The following WDPCP variants were observed in gnomAD, a reference collection of about 807,000 sequenced individuals.
The protein encoded by WDPCP is WD repeat containing planar cell polarity effector, also known as WD repeat-containing and planar cell polarity effector protein fritz homolog.
In WDPCP, 71 loss-of-function variants were observed where a neutral mutation model predicts 93.1. The ratio of observed to expected loss-of-function variants is 0.76; its 90% CI spans 0.63 to 0.93. The LOEUF is 0.93. Among genes scored for constraint, WDPCP ranks in the 40% least tolerant of loss-of-function variants. The pLI, the probability that WDPCP is intolerant of heterozygous loss-of-function variation, is 0.00. For synonymous variants in WDPCP, 315 were observed against 315.0 expected, an observed-to-expected ratio of 1.00 and a Z score of 0.00; for missense variants, 844 against 887.4, an observed-to-expected ratio of 0.95 and a Z score of 0.62.
intron 1 of WDPCP, among the ~76,000 whole-genome samples, chr2:63,585,999 TA>T (rs1273619202): frequency 6.6e-6 from 1 of 152,052 alleles, no homozygotes; most frequent in Non-Finnish European, 1.5e-5. Context: ...GCTAATTTTT[TA>T]AAAATTTTTT....
chr2:63,216,048 C>T (rs1467993263), intron 14 of WDPCP, among the ~76,000 whole-genome samples: 2 of 152,186 alleles, frequency 1.3e-5, no homozygotes, highest in Admixed American at 1.3e-4. Context: ...ATTAAAAAGT[C>T]AGGAAACAAC....
intron 2 of WDPCP, among the ~76,000 whole-genome samples, chr2:63,683,990 A>G (rs1668769116): frequency 1.3e-5 from 2 of 152,228 alleles, no homozygotes; most frequent in Non-Finnish European, 2.9e-5. Context: ...TACTAGAGTT[A>G]AAGAGAGAGA....
At chr2:63,770,500 T>G (rs962345149) in intron 2 of WDPCP, among the ~76,000 whole-genome samples, 6 of 151,888 alleles carry the variant, frequency 4.0e-5, no homozygotes, top group Admixed American at 2.0e-4. Flanking sequence ...TTAAATTTAA[T>G]AGAAGGAAAT....
At chr2:63,274,380 A>G (rs1357021483) in intron 13 of WDPCP, among the ~76,000 whole-genome samples, 1 of 152,210 alleles carries the variant, frequency 6.6e-6, no homozygotes, top group African/African-American at 2.4e-5. Context: ...TCAGAAAAGT[A>G]AGAAGATTTC....
At chr2:63,663,732 G>A (rs557649431) in intron 2 of WDPCP, among the ~76,000 whole-genome samples, 7 of 152,220 alleles carry the variant, frequency 4.6e-5, no homozygotes, top group Admixed American at 4.6e-4. Context: ...TTGGATGGAG[G>A]TTATAGATTA....
intron 1 of WDPCP, among the ~76,000 whole-genome samples, chr2:63,524,501 G>T (rs144151767): frequency 7.2e-4 from 109 of 152,294 alleles, no homozygotes; most frequent in African/African-American, 2.5e-3. Context: ...AAGCAATGGG[G>T]AAAGGACTCC....
chr2:63,716,240 T>G (rs1254344461), intron 2 of WDPCP, among the ~76,000 whole-genome samples: 1 of 152,186 alleles, frequency 6.6e-6, no homozygotes, highest in Non-Finnish European at 1.5e-5. Context: ...AGTAACTTAA[T>G]AGACCTCTAG....
intron 2 of WDPCP, among the ~76,000 whole-genome samples, chr2:63,724,099 C>T (rs1669465079): frequency 6.6e-6 from 1 of 152,142 alleles, no homozygotes; most frequent in African/African-American, 2.4e-5. Context: ...AATTTATAAA[C>T]CAAAACATGC....
chr2:63,481,221 A>G (rs1700249974), intron 6 of WDPCP, among the ~76,000 whole-genome samples: 1 of 151,964 alleles, frequency 6.6e-6, no homozygotes, highest in African/African-American at 2.4e-5. Context: ...GAATGGCCAT[A>G]ATCAAAAAAT....
In WDPCP at chr2:63,525,711, A is replaced by G. The variant is rs1335024052; in HGVS notation, c.76-32771T>C. On this transcript the variant is annotated intron_variant, in intron 1 of 17. Transcript: ENST00000272321. The stretch of plus-strand genomic sequence containing the variant: ...CCATCTGGTCTCTTTCCTAGAGAGA[A>G]GGGCTGACTGCCGTTATGTTAGTGG... Among the ~76,000 whole-genome samples, 7 of 152,186 alleles carry G rather than the reference A, an allele frequency of 4.6e-5. No individual in the cohort carries two copies. The South Asian group carries it at 1.4e-3, about 32-fold the overall frequency.
intron 2 of WDPCP, among the ~76,000 whole-genome samples, chr2:63,747,025 G>T (rs1347480326): frequency 6.6e-6 from 1 of 151,794 alleles, no homozygotes; most frequent in Non-Finnish European, 1.5e-5. Context: ...TCTCTCTTTT[G>T]TACTCTTTCC....
At chr2:63,521,936 G>A (rs532122256) in intron 1 of WDPCP, among the ~76,000 whole-genome samples, 2 of 152,178 alleles carry the variant, frequency 1.3e-5, no homozygotes, top group African/African-American at 4.8e-5. Flanking sequence ...TGACTTCTTG[G>A]TAAACAGTGA....
chr2:63,588,073 G>A lies in WDPCP; in HGVS notation c.75+124C>T, dbSNP rs1368001283. On this transcript the variant is annotated intron_variant, in intron 1 of 17. Coordinates refer to ENST00000272321, the MANE Select transcript of WDPCP (RefSeq NM_015910.7). ...TCCCACAGCCCTCATACTCCGCTCA[G>A]AAAAGGGACCGGCGAGCTTGCAGGC... is the stretch of plus-strand genomic sequence containing the variant. 8 of 1,240,968 alleles carry A rather than the reference G, an allele frequency of 6.4e-6. No individual in the cohort carries two copies. In the Admixed American group the frequency reaches 1.6e-4, roughly 25 times the overall value. The allele number at this position is 1,240,968 out of a possible 1,614,324, so 76.9% of individuals were successfully genotyped here.
intron 1 of WDPCP, among the ~76,000 whole-genome samples, chr2:63,570,406 C>A (rs1391812124): frequency 6.6e-6 from 1 of 152,208 alleles, no homozygotes; most frequent in African/African-American, 2.4e-5. Flanking sequence ...CTCCCCTTAA[C>A]CTTCACCTCA....
chr2:63,521,485 C>T (rs563557017), intron 1 of WDPCP, among the ~76,000 whole-genome samples: 1 of 151,840 alleles, frequency 6.6e-6, no homozygotes, highest in Admixed American at 6.6e-5. Context: ...TGGTAAAAGG[C>T]TCAATACACA....
intron 13 of WDPCP, among the ~76,000 whole-genome samples, chr2:63,267,024 C>T (rs182777910): frequency 5.3e-5 from 8 of 151,932 alleles, no homozygotes; most frequent in Admixed American, 6.6e-5. Context: ...CCTAGAGAGC[C>T]AACAATCTTG....
intron 10 of WDPCP, among the ~76,000 whole-genome samples, chr2:63,401,759 C>T (rs1002758380): frequency 2.6e-5 from 4 of 152,096 alleles, no homozygotes; most frequent in Non-Finnish European, 5.9e-5. Context: ...GAGCTGAGAT[C>T]ACGCCACTGC....
chr2:63,276,152 C>G (rs984070272), intron 13 of WDPCP, among the ~76,000 whole-genome samples: 4 of 152,170 alleles, frequency 2.6e-5, no homozygotes, highest in Admixed American at 6.5e-5. Flanking sequence ...GTTCCACTCT[C>G]AGGAAACCCC....
intron 3 of WDPCP, among the ~76,000 whole-genome samples, chr2:63,650,085 G>A (rs974017036): frequency 7.9e-5 from 12 of 152,206 alleles, no homozygotes; most frequent in Non-Finnish European, 1.6e-4. Flanking sequence ...TCTTCTCTGG[G>A]TCTGGAATGA....
Sources: gnomAD v4.1 joint callset for allele counts (sites outside exome capture counted in the v4.1 genomes callset) on GRCh38, gnomAD v4.1.1 for gene constraint, MANE v1.5 for transcripts, NCBI Gene and HGNC (gene_info 2026-07-23, HGNC 2026-07-21) for gene names.